CDH20: variants seen among roughly 807,000 people sequenced by gnomAD.
CDH20 encodes the protein cadherin 20.
Under a neutral mutation model 74.2 loss-of-function variants are expected in CDH20, and 29 were observed. The ratio of observed to expected loss-of-function variants is 0.39; its 90% CI spans 0.29 to 0.53. The LOEUF (loss-of-function observed/expected upper bound fraction) is 0.53, where lower values mean the gene tolerates loss of function less well. Among genes scored for constraint, CDH20 ranks in the 20% least tolerant of loss-of-function variants. The pLI, the probability that CDH20 is intolerant of heterozygous loss-of-function variation, is 0.69. For synonymous variants in CDH20, 469 were observed against 405.4 expected (o/e 1.16, Z -1.88); for missense variants, 988 against 1,048.3 (o/e 0.94, Z 0.79).
At position 61,341,834 on chromosome 18, in the gene CDH20, C is replaced by G. The variant is rs561173778; in HGVS notation, c.-153+8007C>G. Among the ~76,000 whole-genome samples, 63 of 152,258 alleles carry G rather than the reference C, an allele frequency of 4.1e-4. No homozygotes were observed. In the South Asian group the frequency reaches 7.7e-3, roughly 19 times the overall value. ...TTTAAAGCAAATAATAGCTGGCAACCAGGGTACATCTTCATTAACATCACA... is the reference window on the plus strand; with the variant it reads ...TTTAAAGCAAATAATAGCTGGCAACGAGGGTACATCTTCATTAACATCACA... On this transcript the variant is annotated intron_variant, in intron 1 of 11. Coordinates refer to ENST00000262717, the MANE Select transcript of CDH20 (RefSeq NM_031891.4).
At chr18:61,410,600 G>C (rs1333991154) in intron 1 of CDH20, among the ~76,000 whole-genome samples, 1 of 152,044 alleles carries the variant, frequency 6.6e-6, no homozygotes, top group South Asian at 2.1e-4. Context: ...TTTAAACACA[G>C]AACAGAGATA....
chr18:61,432,253 A>G (rs928244289), intron 1 of CDH20, among the ~76,000 whole-genome samples: 1 of 150,768 alleles, frequency 6.6e-6, no homozygotes, highest in Non-Finnish European at 1.5e-5. Context: ...TCAAAAAAAA[A>G]AAAAAAAAAA....
intron 11 of CDH20, among the ~76,000 whole-genome samples, chr18:61,553,689 A>G (rs1370809768): frequency 6.6e-6 from 1 of 152,206 alleles, no homozygotes; most frequent in Non-Finnish European, 1.5e-5. Flanking sequence ...TATGCATATT[A>G]AGATATGATT....
At chr18:61,374,660 A>C (rs1911154093) in intron 1 of CDH20, among the ~76,000 whole-genome samples, 1 of 152,118 alleles carries the variant, frequency 6.6e-6, no homozygotes. Context: ...AACCATTTTT[A>C]AACACTTTCA....
intron 1 of CDH20, among the ~76,000 whole-genome samples, chr18:61,460,241 G>C (rs554190045): frequency 6.6e-6 from 1 of 152,242 alleles, no homozygotes; most frequent in South Asian, 2.1e-4. Flanking sequence ...TCAAGAAACT[G>C]TTTAGGGGGG....
chr18:61,473,941 T>C (rs150858315), intron 1 of CDH20, among the ~76,000 whole-genome samples: 25 of 152,370 alleles, frequency 1.6e-4, no homozygotes, highest in African/African-American at 5.5e-4. Context: ...TTTCACTGTA[T>C]GCTTGTAAAT....
At chr18:61,375,593 A>G (rs1487852311) in intron 1 of CDH20, among the ~76,000 whole-genome samples, 5 of 152,088 alleles carry the variant, frequency 3.3e-5, no homozygotes. Flanking sequence ...TGTATGTGCT[A>G]TTCTCCACCT....
chr18:61,378,645 C>A (rs1911328203), intron 1 of CDH20, among the ~76,000 whole-genome samples: 1 of 152,198 alleles, frequency 6.6e-6, no homozygotes, highest in Admixed American at 6.5e-5. Flanking sequence ...AAATGTTTGG[C>A]ATGCCACAGC....
chr18:61,414,354 A>T (rs1477655337), intron 1 of CDH20, among the ~76,000 whole-genome samples: 2 of 152,126 alleles, frequency 1.3e-5, no homozygotes, highest in Non-Finnish European at 2.9e-5. Flanking sequence ...AAACTAATTC[A>T]TCTCAGCCAT....
At chr18:61,521,246 A>T (rs1288011987) in intron 6 of CDH20, among the ~76,000 whole-genome samples, 1 of 151,346 alleles carries the variant, frequency 6.6e-6, no homozygotes, top group Non-Finnish European at 1.5e-5. Flanking sequence ...AGGGGATATC[A>T]CCACTGATCC....
intron 1 of CDH20, among the ~76,000 whole-genome samples, chr18:61,380,300 A>C (rs963237647): frequency 2.6e-5 from 4 of 152,232 alleles, no homozygotes; most frequent in Non-Finnish European, 5.9e-5. Flanking sequence ...CCTGCATTTC[A>C]TGAGACCGTG....
chr18:61,449,777 T>C (rs1568143905), intron 1 of CDH20, among the ~76,000 whole-genome samples: 1 of 151,604 alleles, frequency 6.6e-6, no homozygotes, highest in Non-Finnish European at 1.5e-5. Flanking sequence ...TATATATATA[T>C]ACACACACAC....
intron 6 of CDH20, among the ~76,000 whole-genome samples, chr18:61,511,222 T>C (rs766676171): frequency 6.6e-6 from 1 of 151,848 alleles, no homozygotes; most frequent in Non-Finnish European, 1.5e-5. Context: ...AATGGCATGC[T>C]CATGGCTCAC....
intron 1 of CDH20, among the ~76,000 whole-genome samples, chr18:61,480,532 G>C (rs1269879562): frequency 6.6e-6 from 1 of 152,190 alleles, no homozygotes; most frequent in Non-Finnish European, 1.5e-5. Context: ...AGGTAGGTGA[G>C]AGACAAATGG....
chr18:61,445,376 A>G (rs1418274010), intron 1 of CDH20, among the ~76,000 whole-genome samples: 1 of 152,176 alleles, frequency 6.6e-6, no homozygotes, highest in African/African-American at 2.4e-5. Flanking sequence ...CAATGGAACC[A>G]GAAAGAAAAC....
At chr18:61,497,173 T>C (rs1911199854) in intron 2 of CDH20, among the ~76,000 whole-genome samples, 2 of 151,626 alleles carry the variant, frequency 1.3e-5, no homozygotes, top group Non-Finnish European at 2.9e-5. Flanking sequence ...AACTTCACAT[T>C]CTAAATAAAA....
chr18:61,406,349 T>C (rs1301396213), intron 1 of CDH20, among the ~76,000 whole-genome samples: 1 of 152,230 alleles, frequency 6.6e-6, no homozygotes, highest in Non-Finnish European at 1.5e-5. Flanking sequence ...CTAACCTGCT[T>C]ATCAGTCTCA....
chr18:61,401,901 AAGG>A (rs1003959986), intron 1 of CDH20, among the ~76,000 whole-genome samples: 2 of 152,216 alleles, frequency 1.3e-5, no homozygotes, highest in African/African-American at 4.8e-5. Flanking sequence ...ACCATAAAAC[AAGG>A]AGATTATAAT....
intron 1 of CDH20, among the ~76,000 whole-genome samples, chr18:61,365,605 T>TA (rs1403994698): frequency 2.6e-5 from 4 of 152,192 alleles, no homozygotes; most frequent in Admixed American, 6.5e-5. Context: ...CGCTTTTTTT[T>TA]AACCTTATAT....
Sources: gnomAD v4.1 joint callset for allele counts (sites outside exome capture counted in the v4.1 genomes callset) on GRCh38, gnomAD v4.1.1 for gene constraint, MANE v1.5 for transcripts, NCBI Gene and HGNC (gene_info 2026-07-23, HGNC 2026-07-21) for gene names.